Variants in COL19A1 observed in about 807,000 individuals in gnomAD.
The protein encoded by COL19A1 is collagen type XIX alpha 1 chain, also known as collagen alpha-1(XIX) chain.
COL19A1 carries 159 observed loss-of-function variants against 190.2 expected under a neutral mutation model. The ratio of observed to expected loss-of-function variants is 0.84; its 90% CI spans 0.73 to 0.95. The LOEUF is 0.95. Ranked by LOEUF, COL19A1 falls within the 40% of genes least tolerant of loss-of-function variation. COL19A1 has a pLI of 0.00. For synonymous variants in COL19A1, 509 were observed against 458.9 expected (o/e 1.11, Z -1.39); for missense variants, 1,418 against 1,431.9 (o/e 0.99, Z 0.16).
chr6:70,195,950 A>T lies in COL19A1; in HGVS notation c.3095-3658A>T, dbSNP rs1248305875. 3.3e-5 allele frequency among the ~76,000 whole-genome samples: 5 copies of T among 152,216 alleles called. No homozygotes were observed. The East Asian group carries it at 5.8e-4, about 18-fold the overall frequency. On this transcript the variant is annotated intron_variant, in intron 48 of 50. Coordinates refer to ENST00000620364, the MANE Select transcript of COL19A1 (RefSeq NM_001858.6). ...CCTTTAGGAGGATTGTTTTGCTAGG[A>T]TTCAGGAGGTAGTTAAAGCAGATCC...
intron 30 of COL19A1, 106 bp downstream of exon 30, chr6:70,150,151 C>A: frequency 8.7e-7 from 1 of 1,144,002 alleles, no homozygotes; most frequent in Non-Finnish European, 1.3e-6. Flanking sequence ...TGCTCGGTGA[C>A]TGCTTGGTGA....
intron 4 of COL19A1, among the ~76,000 whole-genome samples, chr6:69,902,831 G>A (rs1770277087): frequency 6.6e-6 from 1 of 152,180 alleles, no homozygotes; most frequent in Non-Finnish European, 1.5e-5. Flanking sequence ...TCTCACGCCA[G>A]GGGGCCACAA....
At chr6:70,044,256 T>C (rs2150126174) in intron 14 of COL19A1, among the ~76,000 whole-genome samples, 1 of 152,336 alleles carries the variant, frequency 6.6e-6, no homozygotes, top group Middle Eastern at 3.4e-3. Context: ...GGGTCTTTTA[T>C]CCAGATCTTT....
At chr6:70,145,433 A>G (rs1328342003) in intron 25 of COL19A1, among the ~76,000 whole-genome samples, 1 of 152,162 alleles carries the variant, frequency 6.6e-6, no homozygotes, top group Non-Finnish European at 1.5e-5. Flanking sequence ...ACAGAAAACG[A>G]AATACTACAT....
At chr6:70,100,813 C>A (rs916026169) in intron 15 of COL19A1, among the ~76,000 whole-genome samples, 3 of 152,056 alleles carry the variant, frequency 2.0e-5, no homozygotes, top group Non-Finnish European at 4.4e-5. Flanking sequence ...TAAATCTGTT[C>A]TGTAGATGTT....
chr6:70,032,093 A>G lies in COL19A1; in HGVS notation c.1081-2152A>G, dbSNP rs117137341. 1.1e-3 allele frequency among the ~76,000 whole-genome samples: 172 copies of G among 152,276 alleles called. 5 individuals are homozygous for G. In the East Asian group the frequency reaches 0.024, roughly 22 times the overall value. On this transcript the variant is annotated intron_variant, in intron 12 of 50. Transcript: ENST00000620364. ...AGTAGAGGGAGGGATGTCACTGGAT[A>G]GAAAATTACTAAGAGGAGACATCAA...
intron 15 of COL19A1, among the ~76,000 whole-genome samples, chr6:70,079,871 A>G (rs760661951): frequency 4.6e-5 from 7 of 151,826 alleles, no homozygotes; most frequent in Non-Finnish European, 1.0e-4. Context: ...TCATAAGTGT[A>G]TATATATATA....
At chr6:70,174,479 G>T (rs1765683547) in intron 41 of COL19A1, among the ~76,000 whole-genome samples, 2 of 151,872 alleles carry the variant, frequency 1.3e-5, no homozygotes, top group Non-Finnish European at 2.9e-5. Flanking sequence ...AGAATCACTT[G>T]AACCCAGGAG....
chr6:69,923,490 GAGCTTGTAAGAAT>G (rs1248052243), intron 4 of COL19A1, among the ~76,000 whole-genome samples: 1 of 152,182 alleles, frequency 6.6e-6, no homozygotes, highest in Non-Finnish European at 1.5e-5. Flanking sequence ...GACCTGATCA[GAGCTTGTAAGAAT>G]AGCCCTTTCC....
At chr6:70,203,158 A>C (rs1166749709) in intron 49 of COL19A1, among the ~76,000 whole-genome samples, 1 of 152,210 alleles carries the variant, frequency 6.6e-6, no homozygotes, top group East Asian at 1.9e-4. Context: ...AAAACACTTC[A>C]TTTAAACTTC....
At position 70,035,871 on chromosome 6, in the gene COL19A1, T is replaced by C. The variant is rs377598661; in HGVS notation, c.1135-33T>C. ...TAAATAATGTGCAAAAAGGGACTAG[T>C]GGTAATTGTAGCTTTTCTTTAATCT... On this transcript the variant is annotated intron_variant, in intron 13 of 50. Coordinates refer to ENST00000620364, the MANE Select transcript of COL19A1 (RefSeq NM_001858.6). 4.4e-6 allele frequency: 7 copies of C among 1,593,862 alleles called. No homozygotes were observed. In the African/African-American group the frequency reaches 8.1e-5, roughly 18 times the overall value.
intron 15 of COL19A1, among the ~76,000 whole-genome samples, chr6:70,083,009 G>A (rs574366161): frequency 1.8e-3 from 270 of 152,288 alleles, no homozygotes; most frequent in African/African-American, 5.8e-3. Flanking sequence ...CTCACCTCCT[G>A]CTGTGCAGCC....
intron 14 of COL19A1, among the ~76,000 whole-genome samples, chr6:70,038,165 T>C (rs892996406): frequency 6.6e-6 from 1 of 152,210 alleles, no homozygotes; most frequent in Non-Finnish European, 1.5e-5. Flanking sequence ...TGCGTTATAT[T>C]TGGATTAAAT....
At chr6:69,991,401 A>G (rs1776614517) in intron 11 of COL19A1, among the ~76,000 whole-genome samples, 1 of 152,082 alleles carries the variant, frequency 6.6e-6, no homozygotes, top group African/African-American at 2.4e-5. Context: ...TCCTTTAAGT[A>G]TATACCCAGT....
At chr6:69,960,883 G>A (rs961594842) in intron 10 of COL19A1, among the ~76,000 whole-genome samples, 13 of 151,882 alleles carry the variant, frequency 8.6e-5, no homozygotes, top group East Asian at 7.8e-4. Flanking sequence ...CACCCGCCTC[G>A]GCCTCCCAAA....
intron 16 of COL19A1, among the ~76,000 whole-genome samples, chr6:70,106,544 A>C (rs934169623): frequency 6.6e-6 from 1 of 152,192 alleles, no homozygotes; most frequent in Non-Finnish European, 1.5e-5. Flanking sequence ...TTCAATAGCA[A>C]CTTTTTGTGT....
At chr6:69,972,275 C>A (rs1775470960) in intron 11 of COL19A1, among the ~76,000 whole-genome samples, 3 of 152,186 alleles carry the variant, frequency 2.0e-5, no homozygotes, top group South Asian at 2.1e-4. Context: ...GTACCTTTAG[C>A]ACTATACTGC....
Position 70,068,482 on chromosome 6 carries a change from T to A in COL19A1, c.1224+6T>A. The A allele has an allele frequency of 6.3e-7, 1 of 1,578,258 alleles. No homozygotes were observed. Among genetic ancestry groups the A allele is most frequent in the East Asian group, 2.2e-5 (1 of 44,564 alleles). Reference sequence around the variant, plus strand: ...CTGGAAAAGAGGGTCAGAGGGTAAGTAAAGCTGGAACAACTGGTGGGCATT... The same window carrying A: ...CTGGAAAAGAGGGTCAGAGGGTAAGAAAAGCTGGAACAACTGGTGGGCATT... On this transcript the variant is annotated splice_donor_region_variant and intron_variant, in intron 15 of 50. Coordinates refer to ENST00000620364, the MANE Select transcript of COL19A1 (RefSeq NM_001858.6).
At chr6:69,914,411 T>A (rs1159042209) in intron 4 of COL19A1, among the ~76,000 whole-genome samples, 2 of 152,128 alleles carry the variant, frequency 1.3e-5, no homozygotes, top group African/African-American at 4.8e-5. Context: ...ATCTCTCACT[T>A]CACTCTCAGG....
Sources: allele counts gnomAD v4.1 joint callset (sites outside exome capture counted in the v4.1 genomes callset), GRCh38; gene constraint gnomAD v4.1.1; transcripts MANE v1.5; gene names NCBI Gene and HGNC (gene_info 2026-07-23, HGNC 2026-07-21).